GPR39: variants seen among roughly 807,000 people sequenced by gnomAD.
GPR39 encodes zinc sensing receptor.
GPR39 carries 23 observed loss-of-function variants against 18.4 expected under a neutral mutation model. The observed-to-expected ratio is 1.25, with a 90% CI of 0.90 to 1.77. The LOEUF (loss-of-function observed/expected upper bound fraction) is 1.77. GPR39 is among the 40% of genes most tolerant of loss of function. The probability of loss-of-function intolerance (pLI) is 0.00; values close to 1 mark genes in which losing one functional copy is unlikely to be tolerated. For synonymous variants in GPR39, 280 were observed against 257.9 expected, an observed-to-expected ratio of 1.09 and a Z score of -0.82; for missense variants, 647 against 602.4, an observed-to-expected ratio of 1.07 and a Z score of -0.78.
At chr2:132,460,160 A>T (rs1278604411) in intron 1 of GPR39, among the ~76,000 whole-genome samples, 1 of 152,036 alleles carries the variant, frequency 6.6e-6, no homozygotes, top group East Asian at 1.9e-4. Flanking sequence ...CCTCATCTCT[A>T]CCCTTGCTCC....
intron 1 of GPR39, among the ~76,000 whole-genome samples, chr2:132,507,688 G>A (rs944102107): frequency 7.2e-5 from 11 of 152,276 alleles, no homozygotes; most frequent in African/African-American, 1.9e-4. Flanking sequence ...GTCACAGACC[G>A]CCCATACCTC....
At chr2:132,538,401 C>A (rs1253048670) in intron 1 of GPR39, among the ~76,000 whole-genome samples, 1 of 152,194 alleles carries the variant, frequency 6.6e-6, no homozygotes, top group African/African-American at 2.4e-5. Flanking sequence ...CAAAGATTGC[C>A]ACCTGCTCCT....
chr2:132,512,589 A>T (rs1415985249), intron 1 of GPR39, among the ~76,000 whole-genome samples: 1 of 152,196 alleles, frequency 6.6e-6, no homozygotes, highest in African/African-American at 2.4e-5. Flanking sequence ...TGACCTCAGG[A>T]GAGTTACCTC....
chr2:132,572,544 A>C (rs528927392), intron 1 of GPR39, among the ~76,000 whole-genome samples: 20 of 152,094 alleles, frequency 1.3e-4, no homozygotes, highest in Admixed American at 1.2e-3. Flanking sequence ...GATTAAAAAA[A>C]AAAAAAAAAC....
At chr2:132,541,740 C>G (rs1238026349) in intron 1 of GPR39, among the ~76,000 whole-genome samples, 1 of 152,154 alleles carries the variant, frequency 6.6e-6, no homozygotes, top group Non-Finnish European at 1.5e-5. Context: ...TTGGACAAGC[C>G]TTATGCATCC....
intron 1 of GPR39, among the ~76,000 whole-genome samples, chr2:132,439,378 C>T (rs1233091905): frequency 6.6e-6 from 1 of 152,158 alleles, no homozygotes; most frequent in Non-Finnish European, 1.5e-5. Flanking sequence ...GGCAATATGC[C>T]AAGAGGCGCT....
At chr2:132,430,949 A>T (rs936785652) in intron 1 of GPR39, among the ~76,000 whole-genome samples, 4 of 152,050 alleles carry the variant, frequency 2.6e-5, no homozygotes, top group Non-Finnish European at 5.9e-5. Flanking sequence ...CCCCTGGCTG[A>T]GTCCTGGGTG....
intron 1 of GPR39, among the ~76,000 whole-genome samples, chr2:132,426,299 T>A (rs934888406): frequency 3.3e-5 from 5 of 152,224 alleles, no homozygotes; most frequent in Admixed American, 3.3e-4. Context: ...GTTTGGAGAA[T>A]TACAAAATTT....
intron 1 of GPR39, among the ~76,000 whole-genome samples, 174 bp downstream of exon 1, chr2:132,418,072 G>A (rs1006568550): frequency 6.6e-6 from 1 of 152,178 alleles, no homozygotes; most frequent in Non-Finnish European, 1.5e-5. Context: ...GTCTCTGAAT[G>A]TTTCTTCTCT....
At chr2:132,629,396 G>A (rs952939695) in intron 1 of GPR39, among the ~76,000 whole-genome samples, 1 of 152,224 alleles carries the variant, frequency 6.6e-6, no homozygotes. Flanking sequence ...GCATGACTGA[G>A]AACTTTCCAT....
At chr2:132,628,968 T>A (rs937436003) in intron 1 of GPR39, among the ~76,000 whole-genome samples, 1 of 152,288 alleles carries the variant, frequency 6.6e-6, no homozygotes, top group African/African-American at 2.4e-5. Context: ...TGGAAATTCA[T>A]CACTCATGTG....
intron 1 of GPR39, among the ~76,000 whole-genome samples, chr2:132,562,513 A>C (rs531455152): frequency 6.6e-6 from 1 of 152,238 alleles, no homozygotes; most frequent in East Asian, 1.9e-4. Context: ...GCATGGACTC[A>C]TCCTTCAGTC....
chr2:132,553,313 A>ATG (rs149187122), intron 1 of GPR39, among the ~76,000 whole-genome samples: 48,555 of 145,996 alleles, frequency 0.33, 8,188 homozygotes, highest in East Asian at 0.64. Flanking sequence ...ATATGTATAT[A>ATG]TGTGTGTGTG....
chr2:132,513,763 G>A (rs1234388071), intron 1 of GPR39, among the ~76,000 whole-genome samples: 1 of 152,192 alleles, frequency 6.6e-6, no homozygotes, highest in Non-Finnish European at 1.5e-5. Context: ...CCGAGTGGGA[G>A]TGCAGTGGTG....
chr2:132,440,324 C>T (rs2104764457), intron 1 of GPR39, among the ~76,000 whole-genome samples: 1 of 152,290 alleles, frequency 6.6e-6, no homozygotes, highest in South Asian at 2.1e-4. Flanking sequence ...CTCACAATAA[C>T]CTGAATTGTG....
chr2:132,452,615 T>A (rs1394431295), intron 1 of GPR39, among the ~76,000 whole-genome samples: 2 of 152,114 alleles, frequency 1.3e-5, no homozygotes, highest in Non-Finnish European at 2.9e-5. Flanking sequence ...CTCCTAATGC[T>A]ATCCCTCCCC....
chr2:132,461,672 C>A (rs1345964442), intron 1 of GPR39, among the ~76,000 whole-genome samples: 1 of 152,140 alleles, frequency 6.6e-6, no homozygotes, highest in Admixed American at 6.5e-5. Context: ...TCGTAAATCC[C>A]CCATCACAAC....
intron 1 of GPR39, among the ~76,000 whole-genome samples, chr2:132,540,601 C>T (rs1422017655): frequency 1.3e-5 from 2 of 152,180 alleles, no homozygotes; most frequent in Non-Finnish European, 2.9e-5. Context: ...GGGGATAAAG[C>T]TGCCAAGGAG....
At chr2:132,630,260 C>G (rs1348256659) in intron 1 of GPR39, among the ~76,000 whole-genome samples, 1 of 152,146 alleles carries the variant, frequency 6.6e-6, no homozygotes, top group Non-Finnish European at 1.5e-5. Flanking sequence ...GGATCTATAA[C>G]AGGAAGGCCT....
Sources: gnomAD v4.1 joint callset for allele counts (sites outside exome capture counted in the v4.1 genomes callset) on GRCh38, gnomAD v4.1.1 for gene constraint, MANE v1.5 for transcripts, NCBI Gene and HGNC (gene_info 2026-07-23, HGNC 2026-07-21) for gene names.